NCALD: variants seen among roughly 807,000 people sequenced by gnomAD.
NCALD encodes the protein neurocalcin delta, also known as neurocalcin-delta.
Under a neutral mutation model 18.6 loss-of-function variants are expected in NCALD, and 10 were observed. The observed-to-expected ratio is 0.54, with a 90% CI of 0.33 to 0.91. The LOEUF (loss-of-function observed/expected upper bound fraction) is 0.91. NCALD is among the 40% of genes least tolerant of loss of function. NCALD has a pLI of 0.03. For missense variants in NCALD, 184 were observed against 247.6 expected, an observed-to-expected ratio of 0.74 and a Z score of 1.72; for synonymous variants, 88 against 87.4, an observed-to-expected ratio of 1.01 and a Z score of -0.04.
At chr8:102,095,141 C>T (rs1825050670) in intron 1 of NCALD, among the ~76,000 whole-genome samples, 1 of 152,148 alleles carries the variant, frequency 6.6e-6, no homozygotes, top group African/African-American at 2.4e-5. Flanking sequence ...AAGTGAGGCC[C>T]ATGTCACATG....
intron 4 of NCALD, among the ~76,000 whole-genome samples, chr8:101,817,466 T>C (rs1813543153): frequency 6.6e-6 from 1 of 152,084 alleles, no homozygotes; most frequent in African/African-American, 2.4e-5. Context: ...AGCCTAATAA[T>C]AAATCACGGT....
chr8:102,034,445 G>A (rs1209583916), intron 1 of NCALD, among the ~76,000 whole-genome samples: 1 of 152,186 alleles, frequency 6.6e-6, no homozygotes, highest in Non-Finnish European at 1.5e-5. Flanking sequence ...GTGGAGGGCT[G>A]TGTATGGATG....
intron 2 of NCALD, among the ~76,000 whole-genome samples, chr8:101,997,039 T>C (rs918273886): frequency 2.0e-5 from 3 of 152,218 alleles, no homozygotes; most frequent in South Asian, 2.1e-4. Flanking sequence ...GAGCAGCTTA[T>C]GGATTCCAGC....
At chr8:101,872,716 G>C (rs960428359) in intron 4 of NCALD, among the ~76,000 whole-genome samples, 1 of 152,168 alleles carries the variant, frequency 6.6e-6, no homozygotes, top group Non-Finnish European at 1.5e-5. Context: ...AGTATGAAAA[G>C]ATGCTAGAGG....
At chr8:101,930,880 C>T (rs893484053) in intron 2 of NCALD, among the ~76,000 whole-genome samples, 1 of 152,172 alleles carries the variant, frequency 6.6e-6, no homozygotes, top group Non-Finnish European at 1.5e-5. Context: ...ATTACCTTGA[C>T]CTTTTCTATT....
chr8:101,784,717 C>T (rs1233179398), intron 1 of NCALD, among the ~76,000 whole-genome samples: 2 of 152,070 alleles, frequency 1.3e-5, no homozygotes, highest in Non-Finnish European at 2.9e-5. Flanking sequence ...GGGATGATTG[C>T]TTGAGCCCAG....
chr8:102,011,932 T>C (rs1821916428), intron 2 of NCALD, among the ~76,000 whole-genome samples: 3 of 152,092 alleles, frequency 2.0e-5, no homozygotes, highest in Non-Finnish European at 4.4e-5. Flanking sequence ...ATCTCTCCCA[T>C]GGAAAAACAA....
chr8:101,891,774 CA>C (rs1459105066), intron 3 of NCALD, among the ~76,000 whole-genome samples: 1 of 152,214 alleles, frequency 6.6e-6, no homozygotes, highest in African/African-American at 2.4e-5. Flanking sequence ...AAAATCAGGT[CA>C]CTCCCACCCA....
intron 4 of NCALD, among the ~76,000 whole-genome samples, chr8:101,857,146 C>T (rs1278942464): frequency 6.6e-6 from 1 of 152,162 alleles, no homozygotes; most frequent in South Asian, 2.1e-4. Context: ...ATAATAGAAA[C>T]ATAGTGAACA....
At chr8:101,836,821 G>C (rs1396414975) in intron 4 of NCALD, among the ~76,000 whole-genome samples, 1 of 152,136 alleles carries the variant, frequency 6.6e-6, no homozygotes, top group African/African-American at 2.4e-5. Context: ...TTCTCTGTTT[G>C]TGATTGTCAG....
At chr8:101,774,764 T>C (rs1055893329) in intron 1 of NCALD, among the ~76,000 whole-genome samples, 4 of 152,286 alleles carry the variant, frequency 2.6e-5, no homozygotes, top group East Asian at 1.9e-4. Flanking sequence ...CATTCCCACA[T>C]GGCCCAGCAC....
intron 1 of NCALD, among the ~76,000 whole-genome samples, chr8:101,740,157 G>T (rs1810122214): frequency 6.6e-6 from 1 of 152,210 alleles, no homozygotes; most frequent in African/African-American, 2.4e-5. Flanking sequence ...AGTTAAATTA[G>T]CAGAGGACAC....
chr8:101,934,582 G>C (rs1818692207), intron 2 of NCALD, among the ~76,000 whole-genome samples: 1 of 152,118 alleles, frequency 6.6e-6, no homozygotes, highest in Non-Finnish European at 1.5e-5. Context: ...GGGAGCTTCA[G>C]GAAGGAGGGA....
chr8:102,101,526 G>A (rs930463087), intron 1 of NCALD, among the ~76,000 whole-genome samples: 5 of 152,158 alleles, frequency 3.3e-5, no homozygotes, highest in Admixed American at 2.6e-4. Context: ...TTGTGTTGCT[G>A]TATGCATTCA....
chr8:101,848,057 G>C (rs1424720607), intron 4 of NCALD, among the ~76,000 whole-genome samples: 3 of 152,110 alleles, frequency 2.0e-5, no homozygotes, highest in Non-Finnish European at 4.4e-5. Context: ...GTTGAATGAG[G>C]AACACTGAAT....
At chr8:101,880,448 G>A (rs1816443650) in intron 4 of NCALD, among the ~76,000 whole-genome samples, 2 of 152,200 alleles carry the variant, frequency 1.3e-5, no homozygotes, top group Non-Finnish European at 2.9e-5. Flanking sequence ...CCCGGAGAGG[G>A]GCCCCCACAG....
At chr8:101,958,248 G>A (rs988264761) in intron 2 of NCALD, among the ~76,000 whole-genome samples, 10 of 152,136 alleles carry the variant, frequency 6.6e-5, no homozygotes, top group Non-Finnish European at 1.5e-4. Context: ...ACATGTTTTT[G>A]TCTGGTCAAA....
intron 4 of NCALD, among the ~76,000 whole-genome samples, chr8:101,827,305 G>A (rs1813978145): frequency 6.6e-6 from 1 of 152,116 alleles, no homozygotes; most frequent in Non-Finnish European, 1.5e-5. Flanking sequence ...CATAATCCAG[G>A]ATTATCTCTC....
At chr8:101,892,446 C>A (rs879083265) in intron 3 of NCALD, among the ~76,000 whole-genome samples, 2 of 149,294 alleles carry the variant, frequency 1.3e-5, no homozygotes, top group Admixed American at 1.3e-4. Context: ...AACTCTAAAA[C>A]GCAGAGTGCC....
Sources: gnomAD v4.1 joint callset for allele counts (sites outside exome capture counted in the v4.1 genomes callset) on GRCh38, gnomAD v4.1.1 for gene constraint, MANE v1.5 for transcripts, NCBI Gene and HGNC (gene_info 2026-07-23, HGNC 2026-07-21) for gene names.